Variants in C12orf75 observed in about 807,000 individuals in gnomAD.
C12orf75 encodes overexpressed in colon carcinoma 1 protein.
A neutral mutation model predicts 11.4 loss-of-function variants in C12orf75; 4 were observed. That is an observed-to-expected ratio of 0.35 (90% confidence interval 0.17 to 0.80). The LOEUF (loss-of-function observed/expected upper bound fraction) is 0.80. C12orf75 is among the 30% of genes least tolerant of loss of function. The pLI, the probability that C12orf75 is intolerant of heterozygous loss-of-function variation, is 0.52. For synonymous variants in C12orf75, 30 were observed against 30.0 expected (o/e 1.00, Z 0.00); for missense variants, 89 against 80.4 (o/e 1.11, Z -0.41).
At chr12:105,364,281 A>T (rs978620354) in intron 2 of C12orf75, among the ~76,000 whole-genome samples, 2 of 152,230 alleles carry the variant, frequency 1.3e-5, no homozygotes, top group Non-Finnish European at 2.9e-5. Flanking sequence ...CTTATACCAC[A>T]TCAATAAGCA....
intron 1 of C12orf75, among the ~76,000 whole-genome samples, chr12:105,332,405 G>A (rs183306410): frequency 1.1e-3 from 166 of 152,256 alleles, no homozygotes; most frequent in African/African-American, 3.8e-3. Flanking sequence ...CAGTTTTAGG[G>A]ATGGGGAGGG....
intron 1 of C12orf75, among the ~76,000 whole-genome samples, chr12:105,345,704 C>T (rs1276587099): frequency 8.9e-6 from 1 of 112,318 alleles, no homozygotes; most frequent in Non-Finnish European, 1.6e-5. Flanking sequence ...CTCTGTTGCC[C>T]AGGCTGGAGT....
chr12:105,361,347 C>T lies in C12orf75; in HGVS notation c.72-4460C>T, dbSNP rs182930174. On this transcript the variant is annotated intron_variant, in intron 2 of 5. Coordinates refer to ENST00000443585, the MANE Select transcript of C12orf75 (RefSeq NM_001145199.2). ...TCCTTAAAATGGTTTGCAGATGGGG[C>T]AGCCCTGTTGTTTGGATAGCTGGGG... Among the ~76,000 whole-genome samples the T allele has an allele frequency of 3.6e-3, 551 of 152,262 alleles. 3 individuals are homozygous for T. The highest frequency in any genetic ancestry group is 0.013 in the African/African-American group (525 of 41,550).
Position 105,367,473 on chromosome 12 carries a change from T to C in C12orf75, c.189T>C (p.Asn63=). 1 of 849,914 alleles carries C rather than the reference T, an allele frequency of 1.2e-6. No homozygotes were observed. The highest frequency in any genetic ancestry group is 1.8e-6 in the Non-Finnish European group (1 of 558,294). 52.6% of individuals were successfully genotyped at this position (849,914 alleles called of 1,614,324 possible). ...VSSQTKTVRK[N] is the part of the protein sequence containing the mutation. Reference sequence around the variant, plus strand: ...ACTTTTCTTAATTTTCTCTTTAAGATTAGAAGAAAATAACATCATGACTCA... The same window carrying C: ...ACTTTTCTTAATTTTCTCTTTAAGACTAGAAGAAAATAACATCATGACTCA... The change falls in exon 5 of 6, where the codon AAT becomes AAC. Residue 63 remains asparagine, a splice_region_variant and synonymous_variant. Coordinates refer to ENST00000443585, the MANE Select transcript of C12orf75 (RefSeq NM_001145199.2).
chr12:105,360,209 G>T (rs988053153), intron 2 of C12orf75, among the ~76,000 whole-genome samples: 3 of 152,194 alleles, frequency 2.0e-5, no homozygotes, highest in Non-Finnish European at 4.4e-5. Context: ...TCTGTGTTCT[G>T]CTCTCCCTCC....
rs560550838 is a variant in C12orf75, at chr12:105,330,740, C to A, written c.-152C>A. 1.2e-5 allele frequency: 9 copies of A among 724,932 alleles called. No homozygotes were observed. In the East Asian group the frequency reaches 2.2e-4, roughly 18 times the overall value. The allele number at this position is 724,932 out of a possible 1,614,324, so 44.9% of individuals were successfully genotyped here. A position where few individuals can be genotyped will look rare whatever the true frequency, so the allele number is the denominator to read the frequency against. On this transcript the variant is annotated 5_prime_UTR_variant, in exon 1 of 6. Transcript: ENST00000443585. ...CCGCTGCGCCCCGGGCCGCGTCTCCCGGCGGTGGGAGGGGGCGGCCCCCAC... is the reference window on the plus strand; with the variant it reads ...CCGCTGCGCCCCGGGCCGCGTCTCCAGGCGGTGGGAGGGGGCGGCCCCCAC...
chr12:105,343,660 G>T (rs1435003551), intron 1 of C12orf75, among the ~76,000 whole-genome samples: 4 of 151,564 alleles, frequency 2.6e-5, no homozygotes, highest in Non-Finnish European at 5.9e-5. Context: ...CTTATGCTTT[G>T]CATTTTATGT....
chr12:105,356,897 A>G (rs944249585), intron 2 of C12orf75, among the ~76,000 whole-genome samples: 5 of 152,260 alleles, frequency 3.3e-5, no homozygotes, highest in Non-Finnish European at 7.3e-5. Context: ...GATAAATCAT[A>G]GTAATTTAAA....
rs1366183072 is a variant in C12orf75 at position 105,365,830 on chromosome 12, A to G, written c.95A>G (p.Asp32Gly). The G allele has an allele frequency of 1.9e-6, 3 of 1,549,538 alleles. No homozygotes were observed. In the East Asian group the frequency reaches 7.3e-5, roughly 38 times the overall value. Residue 32 changes from aspartate to glycine, a missense_variant, in exon 3 of 6, where the codon GAT (aspartate) becomes GGT (glycine). By Grantham distance (94) the Asp-to-Gly change is moderately conservative (BLOSUM62 -1). Coordinates refer to ENST00000443585, the MANE Select transcript of C12orf75 (RefSeq NM_001145199.2). ...KDVTEESVTE[D>G]DKRRNYGGVY... is the part of the protein sequence containing the mutation. ...AGAACAGAAGAATCCGTAACAGAAG[A>G]TGACAAGAGGAGGTATGTTTGGTAT...
chr12:105,332,362 A>C (rs1322383592), intron 1 of C12orf75, among the ~76,000 whole-genome samples: 1 of 152,224 alleles, frequency 6.6e-6, no homozygotes, highest in Non-Finnish European at 1.5e-5. Flanking sequence ...AGTTTCATGC[A>C]TGTACATTTT....
chr12:105,341,975 G>C (rs929988074), intron 1 of C12orf75, among the ~76,000 whole-genome samples: 4 of 152,204 alleles, frequency 2.6e-5, no homozygotes, highest in Admixed American at 2.0e-4. Flanking sequence ...CCTCCTTTGT[G>C]TTCCACCATG....
In C12orf75 at chr12:105,367,478, A is replaced by G; in HGVS notation, c.*2A>G. 2.4e-6 allele frequency: 2 copies of G among 840,502 alleles called. No individual in the cohort carries two copies. Among genetic ancestry groups the G allele is most frequent in the Non-Finnish European group, 3.6e-6 (2 of 549,816 alleles). The allele number at this position is 840,502 out of a possible 1,614,324, so 52.1% of individuals were successfully genotyped here. A position where few individuals can be genotyped will look rare whatever the true frequency, so the allele number is the denominator to read the frequency against. On this transcript the variant is annotated 3_prime_UTR_variant, in exon 5 of 6. Coordinates refer to ENST00000443585, the MANE Select transcript of C12orf75 (RefSeq NM_001145199.2). ...TCTTAATTTTCTCTTTAAGATTAGA[A>G]GAAAATAACATCATGACTCAAGAAT...
chr12:105,345,799 T>A (rs1270914389), intron 1 of C12orf75, among the ~76,000 whole-genome samples: 4 of 150,592 alleles, frequency 2.7e-5, no homozygotes, highest in Non-Finnish European at 5.9e-5. Flanking sequence ...GCTGGGATTA[T>A]AGGCGCCCAC....
intron 2 of C12orf75, among the ~76,000 whole-genome samples, chr12:105,356,886 A>G (rs1892788960): frequency 6.6e-6 from 1 of 152,240 alleles, no homozygotes; most frequent in South Asian, 2.1e-4. Context: ...GTTATTGGTA[A>G]GATAAATCAT....
At chr12:105,366,006 A>T (rs1376596347) in intron 3 of C12orf75, 164 bp downstream of exon 3, 1 of 656,810 alleles carries the variant, frequency 1.5e-6, no homozygotes, top group African/African-American at 1.8e-5. Flanking sequence ...CTTGCCCAGG[A>T]TTCATCATCT....
chr12:105,370,900 C>A lies in C12orf75; in HGVS notation c.*300C>A, dbSNP rs1027409799. 9.4e-6 allele frequency: 3 copies of A among 320,486 alleles called. No homozygotes were observed. The highest frequency in any genetic ancestry group is 4.3e-5 in the African/African-American group (2 of 46,478). 19.9% of individuals were successfully genotyped at this position (320,486 alleles called of 1,614,324 possible). ...TGTTGTTGCCCAGCCAGGGCCGCTG[C>A]ATTTTGACAACATTTCCACCCTGGC... On this transcript the variant is annotated 3_prime_UTR_variant, in exon 6 of 6. Transcript: ENST00000443585.
intron 2 of C12orf75, among the ~76,000 whole-genome samples, chr12:105,355,744 G>A (rs1892772561): frequency 6.6e-6 from 1 of 152,178 alleles, no homozygotes; most frequent in South Asian, 2.1e-4. Flanking sequence ...GCAAGGAAAA[G>A]CCAAATTTCT....
At chr12:105,365,183 T>C (rs1160005117) in intron 2 of C12orf75, among the ~76,000 whole-genome samples, 2 of 152,194 alleles carry the variant, frequency 1.3e-5, no homozygotes, top group African/African-American at 4.8e-5. Flanking sequence ...TTTAAAGTAG[T>C]GATCCCCTCT....
intron 2 of C12orf75, among the ~76,000 whole-genome samples, chr12:105,362,289 G>A (rs2136150668): frequency 6.7e-6 from 1 of 148,816 alleles, no homozygotes; most frequent in East Asian, 2.0e-4. Flanking sequence ...GGAGGCTGAG[G>A]CAGGAGAATG....
Sources: gnomAD v4.1 joint callset for allele counts (sites outside exome capture counted in the v4.1 genomes callset) on GRCh38, gnomAD v4.1.1 for gene constraint, MANE v1.5 for transcripts, NCBI Gene and HGNC (gene_info 2026-07-23, HGNC 2026-07-21) for gene names.